Variants in NIBAN1 observed in about 807,000 individuals in gnomAD.
The protein encoded by NIBAN1 is niban apoptosis regulator 1.
Under a neutral mutation model 75.1 loss-of-function variants are expected in NIBAN1, and 81 were observed. The observed-to-expected ratio is 1.08, with a 90% CI of 0.90 to 1.30. The LOEUF (loss-of-function observed/expected upper bound fraction) is 1.30, where lower values mean the gene tolerates loss of function less well. Among genes scored for constraint, NIBAN1 ranks in the 50% most tolerant of loss-of-function variants. NIBAN1 has a pLI of 0.00. For synonymous variants in NIBAN1, 436 were observed against 424.8 expected, an observed-to-expected ratio of 1.03 and a Z score of -0.32; for missense variants, 1,133 against 1,128.1, an observed-to-expected ratio of 1.00 and a Z score of -0.06.
At chr1:184,921,488 G>A (rs234682) in intron 1 of NIBAN1, among the ~76,000 whole-genome samples, 32,431 of 152,096 alleles carry the variant, frequency 0.21, 7,227 homozygotes, top group African/African-American at 0.57. Flanking sequence ...TCACTGGGTA[G>A]TAGGCCCATA....
At chr1:184,964,845 C>T (rs1658740271) in intron 1 of NIBAN1, among the ~76,000 whole-genome samples, 1 of 152,148 alleles carries the variant, frequency 6.6e-6, no homozygotes, top group African/African-American at 2.4e-5. Flanking sequence ...TATTATTTCA[C>T]CGTTCAAAAA....
rs560559846 is a variant in NIBAN1, at chr1:184,901,942, T to C, written c.56-2633A>G. On this transcript the variant is annotated intron_variant, in intron 1 of 13. Coordinates refer to ENST00000367511, the MANE Select transcript of NIBAN1 (RefSeq NM_052966.4). Reference sequence around the variant, plus strand: ...ACTATGTATGATATAGCTAACAATATCATATGTTCTGGGGTGGGGGGAACC... The same window carrying C: ...ACTATGTATGATATAGCTAACAATACCATATGTTCTGGGGTGGGGGGAACC... 8.7e-4 allele frequency among the ~76,000 whole-genome samples: 132 copies of C among 152,270 alleles called. 1 individual carries two copies. The highest frequency in any genetic ancestry group is 1.3e-4 in the Non-Finnish European group (9 of 68,032).
chr1:184,930,512 A>AG (rs1184227486), intron 1 of NIBAN1, among the ~76,000 whole-genome samples: 2 of 152,190 alleles, frequency 1.3e-5, no homozygotes, highest in Non-Finnish European at 2.9e-5. Flanking sequence ...ACTGATTCAA[A>AG]GGGGAGCAAG....
chr1:184,794,771 TA>T lies in NIBAN1; in HGVS notation c.*205del. 3.0e-6 allele frequency: 2 copies of T among 663,738 alleles called. No homozygotes were observed. The highest frequency in any genetic ancestry group is 5.1e-6 in the Non-Finnish European group (2 of 388,624). The allele number at this position is 663,738 out of a possible 1,614,324, so 41.1% of individuals were successfully genotyped here. On this transcript the variant is annotated 3_prime_UTR_variant, in exon 14 of 14. Coordinates refer to ENST00000367511, the MANE Select transcript of NIBAN1 (RefSeq NM_052966.4). Reference sequence around the variant, plus strand: ...GTCTTTGTAATTCTTATTAAAATACTAAAGCAAAAATTCATCGTAGAACAAT... The same window carrying T: ...GTCTTTGTAATTCTTATTAAAATACTAAGCAAAAATTCATCGTAGAACAAT...
intron 1 of NIBAN1, among the ~76,000 whole-genome samples, chr1:184,962,902 C>T (rs187446106): frequency 1.6e-4 from 25 of 152,130 alleles, no homozygotes; most frequent in Admixed American, 1.4e-3. Context: ...TTTGAACTAT[C>T]ATACTAGGTA....
rs568556582 is a variant in NIBAN1 at position 184,825,835 on chromosome 1, G to A, written c.718-2093C>T. The stretch of plus-strand genomic sequence containing the variant: ...AAAGGGGAAGCACAGTTTTAGGAAG[G>A]GAAGCAGGCAGAAAAGTAGGGAATC... On this transcript the variant is annotated intron_variant, in intron 6 of 13. Transcript: ENST00000367511. 8.5e-5 allele frequency among the ~76,000 whole-genome samples: 13 copies of A among 152,320 alleles called. No homozygotes were observed. The South Asian group carries it at 2.7e-3, about 32-fold the overall frequency.
chr1:184,877,519 C>A (rs1026700414), intron 5 of NIBAN1, among the ~76,000 whole-genome samples: 2 of 151,958 alleles, frequency 1.3e-5, no homozygotes, highest in Non-Finnish European at 2.9e-5. Context: ...AACAATAGCT[C>A]CAAGCATGAT....
rs775090324 is a variant in NIBAN1 at position 184,899,321 on chromosome 1, T to C, written c.56-12A>G. The C allele has an allele frequency of 6.2e-7, 1 of 1,613,302 alleles. No homozygotes were observed. Among genetic ancestry groups the C allele is most frequent in the Non-Finnish European group, 8.5e-7 (1 of 1,179,560 alleles). ...AGCCTCAGTTTTCCCTAGAAAAATA[T>C]GAAAATTAGAATTCTTAAGTATAGC... On this transcript the variant is annotated splice_polypyrimidine_tract_variant and intron_variant, in intron 1 of 13. Coordinates refer to ENST00000367511, the MANE Select transcript of NIBAN1 (RefSeq NM_052966.4).
At chr1:184,830,998 CAA>C (rs34893558) in intron 6 of NIBAN1, among the ~76,000 whole-genome samples, 1 of 146,322 alleles carries the variant, frequency 6.8e-6, no homozygotes, top group Non-Finnish European at 1.5e-5. Context: ...AGACTCCTCT[CAA>C]AAAAAAAAAA....
At chr1:184,813,758 C>G (rs2135737) in intron 9 of NIBAN1, among the ~76,000 whole-genome samples, 3 of 152,196 alleles carry the variant, frequency 2.0e-5, no homozygotes, top group African/African-American at 7.2e-5. Context: ...TCATAAGCTG[C>G]CACTATGACT....
rs754534328 is a variant in NIBAN1 at position 184,795,216 on chromosome 1, G to C, written c.2548C>G (p.Pro850Ala). 10 of 1,613,904 alleles carry C rather than the reference G, an allele frequency of 6.2e-6. No homozygotes were observed. In the South Asian group the frequency reaches 1.1e-4, roughly 18 times the overall value. Reference sequence around the variant, plus strand: ...ACCTGGCTCTCACTGAGGCAGATGGGGTCAGAACCTAAGGTGCAGCCCTCT... The same window carrying C: ...ACCTGGCTCTCACTGAGGCAGATGGCGTCAGAACCTAAGGTGCAGCCCTCT... ...QQEGCTLGSD[P>A]ICLSESQVSE... Residue 850 changes from proline to alanine, a missense_variant, in exon 14 of 14, where the codon CCC becomes GCC. Transcript: ENST00000367511.
rs749980583 is a variant in NIBAN1, at chr1:184,795,140, G to A, written c.2624C>T (p.Thr875Met). Reference protein sequence around the residue: ...MGGQSSAAQATASVNAEEIKV... With the variant: ...MGGQSSAAQAMASVNAEEIKV... Reference sequence around the variant, plus strand: ...GATCTCCTCTGCATTCACACTGGCCGTGGCCTGGGCCGCGCTGCTTTGCCC... The same window carrying A: ...GATCTCCTCTGCATTCACACTGGCCATGGCCTGGGCCGCGCTGCTTTGCCC... Residue 875 changes from threonine (T) to methionine (M), a missense_variant, in exon 14 of 14, where the codon ACG (threonine) becomes ATG (methionine). Transcript: ENST00000367511. 11 of 1,614,038 alleles carry A rather than the reference G, an allele frequency of 6.8e-6. No individual in the cohort carries two copies. Among genetic ancestry groups the A allele is most frequent in the African/African-American group, 5.3e-5 (4 of 74,946 alleles).
intron 1 of NIBAN1, among the ~76,000 whole-genome samples, chr1:184,901,159 G>A (rs987782773): frequency 6.6e-5 from 10 of 152,042 alleles, no homozygotes; most frequent in African/African-American, 2.2e-4. Flanking sequence ...TGGGAATTTA[G>A]GTCTTATACT....
chr1:184,959,513 A>AT (rs1658576045), intron 1 of NIBAN1, among the ~76,000 whole-genome samples: 1 of 151,974 alleles, frequency 6.6e-6, no homozygotes, highest in Non-Finnish European at 1.5e-5. Context: ...TATTTTCTTT[A>AT]TACTTGTGGA....
Position 184,795,289 on chromosome 1 carries a change from A to G in NIBAN1, c.2475T>C (p.His825=). The G allele has an allele frequency of 6.2e-7, 1 of 1,612,552 alleles. No individual in the cohort carries two copies. The highest frequency in any genetic ancestry group is 1.1e-5 in the South Asian group (1 of 91,076). ...LPGEACTLTA[H]EGRGGKCTEE... is the part of the protein sequence containing the mutation. ...CGGTACACTTGCCCCCTCTTCCTTC[A>G]TGGGCAGTGAGTGTGCAGGCCTCTC... is the stretch of plus-strand genomic sequence containing the variant. The change falls in exon 14 of 14, where the codon CAT becomes CAC. Residue 825 remains histidine, a synonymous_variant. Transcript: ENST00000367511.
At chr1:184,956,095 C>T (rs1350933918) in intron 1 of NIBAN1, among the ~76,000 whole-genome samples, 1 of 151,758 alleles carries the variant, frequency 6.6e-6, no homozygotes, top group African/African-American at 2.4e-5. Context: ...TGTGCAATCA[C>T]AGCTCACTGC....
At chr1:184,836,372 A>G (rs1402044473) in intron 5 of NIBAN1, among the ~76,000 whole-genome samples, 3 of 152,214 alleles carry the variant, frequency 2.0e-5, no homozygotes, top group Non-Finnish European at 4.4e-5. Flanking sequence ...CAAGCCAGGG[A>G]ATGAAGTTTT....
At chr1:184,862,465 T>G (rs186188836) in intron 5 of NIBAN1, among the ~76,000 whole-genome samples, 1 of 152,274 alleles carries the variant, frequency 6.6e-6, no homozygotes, top group East Asian at 1.9e-4. Flanking sequence ...TACAGTGGTA[T>G]GCCACCATGC....
chr1:184,833,337 C>G (rs1655048170), intron 5 of NIBAN1, among the ~76,000 whole-genome samples: 1 of 150,820 alleles, frequency 6.6e-6, no homozygotes, highest in East Asian at 1.9e-4. Context: ...CAAGGCTTAG[C>G]CTCTACAAGA....
Sources: allele counts gnomAD v4.1 joint callset (sites outside exome capture counted in the v4.1 genomes callset), GRCh38; gene constraint gnomAD v4.1.1; transcripts MANE v1.5; gene names NCBI Gene and HGNC (gene_info 2026-07-23, HGNC 2026-07-21).